SMPD3: variants seen among roughly 807,000 people sequenced by gnomAD.
SMPD3 encodes sphingomyelin phosphodiesterase 3.
A neutral mutation model predicts 55.7 loss-of-function variants in SMPD3; 21 were observed. The ratio of observed to expected loss-of-function variants is 0.38; its 90% CI spans 0.27 to 0.54. The LOEUF (loss-of-function observed/expected upper bound fraction) is 0.54, where lower values mean the gene tolerates loss of function less well. Among genes scored for constraint, SMPD3 ranks in the 20% least tolerant of loss-of-function variants. The pLI, the probability that SMPD3 is intolerant of heterozygous loss-of-function variation, is 0.80. For synonymous variants in SMPD3, 457 were observed against 404.3 expected, an observed-to-expected ratio of 1.13 and a Z score of -1.56; for missense variants, 842 against 899.6, an observed-to-expected ratio of 0.94 and a Z score of 0.82.
intron 1 of SMPD3, among the ~76,000 whole-genome samples, chr16:68,430,861 G>A (rs887009145): frequency 6.6e-6 from 1 of 152,070 alleles, no homozygotes; most frequent in African/African-American, 2.4e-5. Context: ...GAGTCTTCGA[G>A]AGCATCATTT....
In SMPD3 at chr16:68,361,702, G is replaced by A. The variant is rs560204511; in HGVS notation, c.1767C>T (p.Ser589=). Residue 589 remains serine (S), a synonymous_variant, in exon 8 of 9, where the codon AGC becomes AGT. Coordinates refer to ENST00000219334, the MANE Select transcript of SMPD3 (RefSeq NM_018667.4). Reference sequence around the variant, plus strand: ...GCTCCTTCCGCCCCTTCTGGCCCGAGCTCTTGCTGGTGGGAAACGCCAGGT... The same window carrying A: ...GCTCCTTCCGCCCCTTCTGGCCCGAACTCTTGCTGGTGGGAAACGCCAGGT... The part of the protein sequence containing the change: ...REYLAFPTSK[S]SGQKGRKELL... 6.2e-7 allele frequency: 1 copy of A among 1,613,080 alleles called. No homozygotes were observed. Among genetic ancestry groups the A allele is most frequent in the South Asian group, 1.1e-5 (1 of 91,084 alleles).
In SMPD3 at chr16:68,376,122, GCAA is replaced by G. The variant is rs1355840567; in HGVS notation, c.-206-3738_-206-3736del. On this transcript the variant is annotated intron_variant, in intron 2 of 8. Transcript: ENST00000219334. ...AGGGAAATGAAAGGAGGGTAAATAA[GCAA>G]CAACACATTAATTAGTCTGATCTAC... is the stretch of plus-strand genomic sequence containing the variant. 4.1e-5 allele frequency among the ~76,000 whole-genome samples: 6 copies of G among 146,368 alleles called. No homozygotes were observed. In the South Asian group the frequency reaches 1.1e-3, roughly 27 times the overall value.
Position 68,447,382 on chromosome 16 carries a change from G to T in SMPD3, c.-269+971C>A. Among the ~76,000 whole-genome samples the T allele has an allele frequency of 6.6e-6, 1 of 152,192 alleles. No individual in the cohort carries two copies. The highest frequency in any genetic ancestry group is 1.9e-4 in the East Asian group (1 of 5,180). The stretch of plus-strand genomic sequence containing the variant: ...CTCTGTACATGCCCATCTGGGATTG[G>T]CCCCCAGCTGCGGTGCCAGAGGCTC... On this transcript the variant is annotated intron_variant, in intron 1 of 8. Coordinates refer to ENST00000219334, the MANE Select transcript of SMPD3 (RefSeq NM_018667.4). This position sits in a 1 kb window ranked among gnomAD's most constrained non-coding sequence, Gnocchi z 5.1.
intron 1 of SMPD3, among the ~76,000 whole-genome samples, chr16:68,392,929 C>T (rs1176957941): frequency 6.6e-6 from 1 of 150,952 alleles, no homozygotes; most frequent in Non-Finnish European, 1.5e-5. Flanking sequence ...TCTACAAGCC[C>T]GGAAGAGAGC....
chr16:68,435,899 C>A (rs573834367), intron 1 of SMPD3, among the ~76,000 whole-genome samples: 4 of 152,284 alleles, frequency 2.6e-5, no homozygotes, highest in African/African-American at 9.6e-5. Context: ...AGATCTAGAC[C>A]ATTTCCACTC....
intron 1 of SMPD3, among the ~76,000 whole-genome samples, chr16:68,416,081 T>A (rs949781250): frequency 6.6e-6 from 1 of 152,286 alleles, no homozygotes; most frequent in East Asian, 1.9e-4. Context: ...CAGAACCAAA[T>A]GGAAACCTGG....
intron 1 of SMPD3, among the ~76,000 whole-genome samples, chr16:68,431,817 G>A (rs963434867): frequency 6.6e-6 from 1 of 152,198 alleles, no homozygotes; most frequent in Non-Finnish European, 1.5e-5. Context: ...AGCTACTTGG[G>A]AGGCTGGGGC....
chr16:68,403,953 G>T (rs1170763873), intron 1 of SMPD3, among the ~76,000 whole-genome samples: 1 of 152,166 alleles, frequency 6.6e-6, no homozygotes, highest in Non-Finnish European at 1.5e-5. Flanking sequence ...AGGAACGCCA[G>T]GTCCCAGGGA....
chr16:68,370,546 T>A (rs2089630800), intron 3 of SMPD3, among the ~76,000 whole-genome samples: 1 of 152,086 alleles, frequency 6.6e-6, no homozygotes, highest in South Asian at 2.1e-4. Context: ...GCCTTACTGC[T>A]CTGTTCCACT....
At chr16:68,416,303 C>G (rs1326061444) in intron 1 of SMPD3, among the ~76,000 whole-genome samples, 5 of 152,218 alleles carry the variant, frequency 3.3e-5, no homozygotes, top group Non-Finnish European at 2.9e-5. Flanking sequence ...CGCCCTCTTC[C>G]CTGGTCTCCC....
At chr16:68,363,265 C>T (rs1245986447) in intron 7 of SMPD3, among the ~76,000 whole-genome samples, 1 of 152,108 alleles carries the variant, frequency 6.6e-6, no homozygotes, top group African/African-American at 2.4e-5. Context: ...TGGGAAATAC[C>T]CCTAGAGATT....
At chr16:68,415,138 C>T (rs2090329766) in intron 1 of SMPD3, among the ~76,000 whole-genome samples, 1 of 152,092 alleles carries the variant, frequency 6.6e-6, no homozygotes, top group African/African-American at 2.4e-5. Context: ...AAGCCAGAGA[C>T]TGAAAGGTAG....
intron 1 of SMPD3, among the ~76,000 whole-genome samples, chr16:68,400,520 T>TA (rs2090196554): frequency 6.6e-6 from 1 of 152,242 alleles, no homozygotes; most frequent in South Asian, 2.1e-4. Context: ...TGGGTTAGAC[T>TA]ACAGTAGTGG....
chr16:68,378,904 G>A (rs1288427491), intron 2 of SMPD3, among the ~76,000 whole-genome samples: 1 of 152,204 alleles, frequency 6.6e-6, no homozygotes, highest in East Asian at 1.9e-4. Context: ...CCTTAGGGCT[G>A]GAAGGAAAGA....
chr16:68,385,192 GAAGT>G (rs1178212833), intron 2 of SMPD3, among the ~76,000 whole-genome samples: 1 of 152,188 alleles, frequency 6.6e-6, no homozygotes, highest in Non-Finnish European at 1.5e-5. Context: ...GAGACTCAGA[GAAGT>G]AAATGGCAGT....
chr16:68,421,286 C>T (rs1207633037), intron 1 of SMPD3, among the ~76,000 whole-genome samples: 1 of 152,222 alleles, frequency 6.6e-6, no homozygotes. Flanking sequence ...GCACATCTGC[C>T]ACCTGCTTTC....
rs2090622663 is a variant in SMPD3, at chr16:68,447,878, G to C, written c.-269+475C>G. ...CCCTGCATCCCAAGCAGCCCTTCCT[G>C]AATACCCCTGGGAGGGTCTGGGCTA... On this transcript the variant is annotated intron_variant, in intron 1 of 8. Transcript: ENST00000219334. The surrounding 1 kb of genome is among the most constrained non-coding windows in gnomAD (Gnocchi z 5.1). 6.6e-6 allele frequency among the ~76,000 whole-genome samples: 1 copy of C among 152,094 alleles called. No homozygotes were observed. Among genetic ancestry groups the C allele is most frequent in the African/African-American group, 2.4e-5 (1 of 41,414 alleles).
At chr16:68,374,906 G>T (rs1309757529) in intron 2 of SMPD3, among the ~76,000 whole-genome samples, 1 of 152,316 alleles carries the variant, frequency 6.6e-6, no homozygotes, top group East Asian at 1.9e-4. Context: ...GGCGGGATGG[G>T]GGTCTCTCAA....
In SMPD3 at chr16:68,371,530, G is replaced by C; in HGVS notation, c.652C>G (p.Arg218Gly). ...TTGGCAGCCTCGTCACCGGGGTGCCGCCCACCGTCACCCTTGTACTCCACA... is the reference window on the plus strand; with the variant it reads ...TTGGCAGCCTCGTCACCGGGGTGCCCCCCACCGTCACCCTTGTACTCCACA... ...ASVEYKGDGGRHPGDEAANGP... is the reference protein window; with the variant it reads ...ASVEYKGDGGGHPGDEAANGP... Residue 218 changes from arginine to glycine, a missense_variant, in exon 3 of 9, where the codon CGG (arginine) becomes GGG (glycine). Physicochemically the swap from Arg to Gly is moderately radical, Grantham distance 125. This residue lies in a region of SMPD3 where 649 missense variants were observed against 643.6 expected (regional missense o/e 1.01). Coordinates refer to ENST00000219334, the MANE Select transcript of SMPD3 (RefSeq NM_018667.4). 1 of 1,600,632 alleles carries C rather than the reference G, an allele frequency of 6.2e-7. No individual in the cohort carries two copies. Among genetic ancestry groups the C allele is most frequent in the African/African-American group, 1.3e-5 (1 of 75,012 alleles).
Sources: allele counts gnomAD v4.1 joint callset (sites outside exome capture counted in the v4.1 genomes callset), GRCh38; gene constraint gnomAD v4.1.1; regional missense constraint gnomAD v4.1.1; non-coding constraint Gnocchi (gnomAD v3.1); transcripts MANE v1.5; gene names NCBI Gene and HGNC (gene_info 2026-07-23, HGNC 2026-07-21).